Variants in DGLUCY observed in about 807,000 individuals in gnomAD.
DGLUCY encodes D-glutamate cyclase, mitochondrial.
A neutral mutation model predicts 58.5 loss-of-function variants in DGLUCY; 58 were observed. The observed-to-expected ratio is 0.99, with a 90% CI of 0.80 to 1.23. The LOEUF is 1.23. Ranked by LOEUF, DGLUCY falls within the 50% of genes most tolerant of loss-of-function variation. The pLI, the probability that DGLUCY is intolerant of heterozygous loss-of-function variation, is 0.00. For missense variants in DGLUCY, 779 were observed against 784.7 expected, an observed-to-expected ratio of 0.99 and a Z score of 0.09; for synonymous variants, 325 against 314.1, an observed-to-expected ratio of 1.03 and a Z score of -0.37.
At chr14:91,065,677 A>C (rs1376094004) in intron 1 of DGLUCY, among the ~76,000 whole-genome samples, 1 of 152,214 alleles carries the variant, frequency 6.6e-6, no homozygotes. Flanking sequence ...TAGAGCAGAC[A>C]GTGGTAAATA....
chr14:91,222,122 G>A (rs369764677), intron 13 of DGLUCY, among the ~76,000 whole-genome samples: 4 of 152,180 alleles, frequency 2.6e-5, no homozygotes, highest in South Asian at 2.1e-4. Context: ...GCCTTCAGGC[G>A]CCCTGCCCTC....
At position 91,115,606 on chromosome 14, in the gene DGLUCY, C is replaced by T. The variant is rs1595666193; in HGVS notation, c.-82+1323C>T. ...GTCTGGCTAATTTTTGTAGTTTTAG[C>T]AGAGACAGGGTTTTGCCATGTTAGC... On this transcript the variant is annotated intron_variant, in intron 1 of 13. Coordinates refer to ENST00000256324, the MANE Select transcript of DGLUCY (RefSeq NM_001102368.3). Among the ~76,000 whole-genome samples, 3 of 152,204 alleles carry T rather than the reference C, an allele frequency of 2.0e-5. No individual in the cohort carries two copies. In the South Asian group the frequency reaches 6.2e-4, roughly 32 times the overall value.
At chr14:91,169,333 A>G (rs944344424) in intron 4 of DGLUCY, among the ~76,000 whole-genome samples, 2 of 151,926 alleles carry the variant, frequency 1.3e-5, no homozygotes, top group Admixed American at 6.5e-5. Flanking sequence ...CCCAAGACAC[A>G]TATTCTCTGT....
chr14:91,157,186 G>GATGGATAGATGGATGGATGA, intron 1 of DGLUCY, among the ~76,000 whole-genome samples: 1 of 135,726 alleles, frequency 7.4e-6, no homozygotes, highest in African/African-American at 2.6e-5. Flanking sequence ...TGGATGGATG[G>GATGGATAGATGGATGGATGA]GTGGATAGAT....
chr14:91,157,202 G>GATGA (rs1239306788), intron 1 of DGLUCY, among the ~76,000 whole-genome samples: 2 of 147,760 alleles, frequency 1.4e-5, no homozygotes, highest in Non-Finnish European at 1.5e-5. Flanking sequence ...TAGATGGATG[G>GATGA]ATGAATGAAT....
chr14:91,197,413 C>G (rs1567000135), intron 10 of DGLUCY, among the ~76,000 whole-genome samples: 1 of 152,192 alleles, frequency 6.6e-6, no homozygotes, highest in Non-Finnish European at 1.5e-5. Flanking sequence ...CCTCTCTGAA[C>G]TGTTTTTTAA....
chr14:91,118,381 C>G (rs979473752), intron 1 of DGLUCY, among the ~76,000 whole-genome samples: 3 of 152,070 alleles, frequency 2.0e-5, no homozygotes, highest in African/African-American at 7.2e-5. Context: ...AGGTGAATCT[C>G]TCTTATCAGG....
rs554748136 is a variant in DGLUCY, at chr14:91,221,901, G to A, written c.1717-2783G>A. Among the ~76,000 whole-genome samples the A allele has an allele frequency of 1.3e-3, 197 of 151,838 alleles. 6 individuals are homozygous for A. In the South Asian group the frequency reaches 0.039, roughly 30 times the overall value. On this transcript the variant is annotated intron_variant, in intron 13 of 13. Coordinates refer to ENST00000256324, the MANE Select transcript of DGLUCY (RefSeq NM_001102368.3). ...TCCCAGAAGGCACCCCACTTTGAGC[G>A]GCATCATCACCTCCCATAAATACCT... is the stretch of plus-strand genomic sequence containing the variant.
chr14:91,095,107 C>G (rs1203227150), intron 1 of DGLUCY, among the ~76,000 whole-genome samples: 1 of 152,164 alleles, frequency 6.6e-6, no homozygotes, highest in Non-Finnish European at 1.5e-5. Flanking sequence ...CCCTGCCCCC[C>G]CAGTTCATTT....
At chr14:91,089,141 C>G (rs1405490546) in intron 1 of DGLUCY, among the ~76,000 whole-genome samples, 1 of 152,240 alleles carries the variant, frequency 6.6e-6, no homozygotes, top group African/African-American at 2.4e-5. Flanking sequence ...CTGCAAGATT[C>G]TGGAAACATC....
At chr14:91,168,895 T>C (rs1009407986) in intron 4 of DGLUCY, among the ~76,000 whole-genome samples, 2 of 152,164 alleles carry the variant, frequency 1.3e-5, no homozygotes, top group Non-Finnish European at 2.9e-5. Context: ...GAGACCAGCC[T>C]GGCCAACGCG....
intron 1 of DGLUCY, among the ~76,000 whole-genome samples, chr14:91,066,238 C>T (rs1473554177): frequency 2.6e-5 from 4 of 151,938 alleles, no homozygotes; most frequent in African/African-American, 4.8e-5. Context: ...ATTAGCCGGG[C>T]CTGGTGGCAC....
intron 13 of DGLUCY, chr14:91,223,817 C>A (rs1887844152): frequency 4.0e-6 from 3 of 757,298 alleles, no homozygotes; most frequent in Non-Finnish European, 3.7e-6. Context: ...TCAGAACAAC[C>A]CTCTAAAGGA....
intron 1 of DGLUCY, chr14:91,114,602 C>T (rs1054889584): frequency 6.6e-6 from 1 of 152,288 alleles, no homozygotes; most frequent in Non-Finnish European, 1.5e-5. Flanking sequence ...CTTGAGAACT[C>T]CCAGGTCACA....
At chr14:91,195,665 G>GTTT (rs1300777648) in intron 9 of DGLUCY, among the ~76,000 whole-genome samples, 17 of 134,842 alleles carry the variant, frequency 1.3e-4, no homozygotes, top group African/African-American at 3.3e-4. Flanking sequence ...GGTTTTTTGG[G>GTTT]TTTTGTTTTT....
At chr14:91,210,653 T>G (rs1281281717) in intron 12 of DGLUCY, among the ~76,000 whole-genome samples, 3 of 152,168 alleles carry the variant, frequency 2.0e-5, no homozygotes, top group Non-Finnish European at 4.4e-5. Flanking sequence ...AAAAAGCATT[T>G]GACAAAAGCA....
At position 91,224,792 on chromosome 14, in the gene DGLUCY, A is replaced by G. The variant is rs780014815; in HGVS notation, c.1825A>G (p.Met609Val). 1.2e-6 allele frequency: 2 copies of G among 1,613,506 alleles called. No homozygotes were observed. Among genetic ancestry groups the G allele is most frequent in the African/African-American group, 2.7e-5 (2 of 74,900 alleles). Reference sequence around the variant, plus strand: ...GCCCTTCCACAACACCCACGCCGAGATGATCCAGAAGCTGGTGGACGTCAC... The same window carrying G: ...GCCCTTCCACAACACCCACGCCGAGGTGATCCAGAAGCTGGTGGACGTCAC... ...GLPFHNTHAE[M>V]IQKLVDVTTA... Residue 609 changes from methionine to valine, a missense_variant, in exon 14 of 14, where the codon ATG becomes GTG. Transcript: ENST00000256324.
chr14:91,090,094 G>A (rs761448691), intron 1 of DGLUCY, among the ~76,000 whole-genome samples: 1 of 152,152 alleles, frequency 6.6e-6, no homozygotes, highest in Non-Finnish European at 1.5e-5. Context: ...GTATCTGGCT[G>A]GCGGCTGCAG....
In DGLUCY at chr14:91,212,741, A is replaced by G. The variant is rs747165932; in HGVS notation, c.1565-2664A>G. Among the ~76,000 whole-genome samples, 29 of 150,354 alleles carry G rather than the reference A, an allele frequency of 1.9e-4. No individual in the cohort carries two copies. The Middle Eastern group carries it at 0.01, about 54-fold the overall frequency. On this transcript the variant is annotated intron_variant, in intron 12 of 13. Transcript: ENST00000256324. ...GAAAAGGCTGGGCGCAGTGGCTCACACCTGTAATCCCAGCACTTTGGGAAG... is the reference window on the plus strand; with the variant it reads ...GAAAAGGCTGGGCGCAGTGGCTCACGCCTGTAATCCCAGCACTTTGGGAAG...
Sources: allele counts gnomAD v4.1 joint callset (sites outside exome capture counted in the v4.1 genomes callset), GRCh38; gene constraint gnomAD v4.1.1; transcripts MANE v1.5; gene names NCBI Gene and HGNC (gene_info 2026-07-23, HGNC 2026-07-21).